The following TLK1 variants were observed in gnomAD, a reference collection of about 807,000 sequenced individuals.
TLK1 encodes tousled like kinase 1, also known as serine/threonine-protein kinase tousled-like 1.
A neutral mutation model predicts 105.3 loss-of-function variants in TLK1; 24 were observed. The ratio of observed to expected loss-of-function variants is 0.23; its 90% CI spans 0.17 to 0.32. TLK1 has a LOEUF of 0.32. Among genes scored for constraint, TLK1 ranks in the 10% least tolerant of loss-of-function variants. The pLI, the probability that TLK1 is intolerant of heterozygous loss-of-function variation, is 1.00. For synonymous variants in TLK1, 321 were observed against 310.4 expected, an observed-to-expected ratio of 1.03 and a Z score of -0.36; for missense variants, 558 against 910.5, an observed-to-expected ratio of 0.61 and a Z score of 4.98.
chr2:171,137,264 AGAGT>A (rs578200965), intron 1 of TLK1, among the ~76,000 whole-genome samples: 4 of 152,130 alleles, frequency 2.6e-5, no homozygotes. Flanking sequence ...GCTGGGTGAC[AGAGT>A]GAGACCCTGT....
intron 1 of TLK1, among the ~76,000 whole-genome samples, chr2:171,173,554 A>ATT (rs954705117): frequency 1.3e-5 from 2 of 150,994 alleles, no homozygotes; most frequent in East Asian, 3.9e-4. Context: ...TGCCCAGCTA[A>ATT]TTTTTTTTTC....
At chr2:171,080,196 C>CAAA in intron 3 of TLK1, among the ~76,000 whole-genome samples, 1 of 59,974 alleles carries the variant, frequency 1.7e-5, no homozygotes, top group African/African-American at 5.8e-5. Flanking sequence ...GACTCCATCT[C>CAAA]AAAAAAAAAA....
intron 11 of TLK1, among the ~76,000 whole-genome samples, chr2:171,030,461 T>C (rs1685985836): frequency 2.0e-5 from 3 of 152,146 alleles, no homozygotes; most frequent in Admixed American, 2.0e-4. Context: ...GGAGTGTGAA[T>C]GTAGATGAAG....
intron 11 of TLK1, among the ~76,000 whole-genome samples, chr2:171,036,197 C>A (rs1575537395): frequency 6.6e-6 from 1 of 152,194 alleles, no homozygotes; most frequent in East Asian, 1.9e-4. Context: ...GCAATCCCAG[C>A]ACTTTGGGAG....
chr2:171,028,445 ATACT>A (rs560670650), intron 11 of TLK1, 40 bp from the exon 12 acceptor site: 21 of 1,329,124 alleles, frequency 1.6e-5, no homozygotes, highest in South Asian at 6.1e-5. Context: ...ATTGAGATTA[ATACT>A]TAGTTTATTA....
rs71401403 is a variant in TLK1, at chr2:171,101,346, C to CAAAAAAAAAAAAAAAAAAAAAAA, written c.258+16392_258+16393insTTTTTTTTTTTTTTTTTTTTTTT. On this transcript the variant is annotated intron_variant, in intron 2 of 20. Transcript: ENST00000431350. ...GGACAACAAGAGTGAAACTCCGTCT[C>CAAAAAAAAAAAAAAAAAAAAAAA]AAAAAAAAAAAAAAAAAAAGCCAGG... 1.3e-4 allele frequency among the ~76,000 whole-genome samples: 8 copies of CAAAAAAAAAAAAAAAAAAAAAAA among 63,492 alleles called. 1 individual carries two copies. The highest frequency in any genetic ancestry group is 4.3e-4 in the African/African-American group (6 of 13,842). 41.7% of individuals were successfully genotyped at this position (63,492 alleles called of 152,430 possible). A position where few individuals can be genotyped will look rare whatever the true frequency, so the allele number is the denominator to read the frequency against.
intron 5 of TLK1, among the ~76,000 whole-genome samples, chr2:171,057,820 T>C (rs1177849241): frequency 1.3e-5 from 2 of 152,102 alleles, no homozygotes; most frequent in African/African-American, 4.8e-5. Context: ...TGCCACGGTC[T>C]GACTGCAAAA....
At chr2:171,126,194 A>T (rs958165424) in intron 1 of TLK1, among the ~76,000 whole-genome samples, 1 of 152,244 alleles carries the variant, frequency 6.6e-6, no homozygotes, top group Admixed American at 6.5e-5. Flanking sequence ...AATCCAAAAC[A>T]TCACATAAAA....
intron 1 of TLK1, among the ~76,000 whole-genome samples, chr2:171,119,568 T>C (rs2105533820): frequency 6.6e-6 from 1 of 152,302 alleles, no homozygotes; most frequent in Non-Finnish European, 1.5e-5. Context: ...CAGGACTATT[T>C]TGAAAACATT....
upstream of TLK1, among the ~76,000 whole-genome samples, chr2:171,163,216 C>T (rs1302403571): frequency 6.6e-6 from 1 of 152,130 alleles, no homozygotes; most frequent in East Asian, 1.9e-4. Context: ...CTTGTTTATC[C>T]ATTAAACTAT....
In TLK1 at chr2:171,056,458, A is replaced by C. The variant is rs1209643924; in HGVS notation, c.549+13T>G. 1 of 1,609,550 alleles carries C rather than the reference A, an allele frequency of 6.2e-7. No individual in the cohort carries two copies. The highest frequency in any genetic ancestry group is 1.7e-5 in the Admixed American group (1 of 59,984). ...CCAAAGACTACACATGAAAAACTTG[A>C]AAGATGACTTACAGATGAGGAAGGA... On this transcript the variant is annotated intron_variant, in intron 6 of 20. Coordinates refer to ENST00000431350, the MANE Select transcript of TLK1 (RefSeq NM_012290.5).
In TLK1 at chr2:171,180,978, A is replaced by G. The variant is rs1692920026; in HGVS notation, c.-6+50167T>C. ...TTAACTCTGATAATAATGGTTGAGG[A>G]GTTAAAGTTAGAACAGATTCATTCT... On this transcript the variant is annotated intron_variant, in intron 1 of 20. Transcript: ENST00000521943. Among the ~76,000 whole-genome samples, 3 of 152,208 alleles carry G rather than the reference A, an allele frequency of 2.0e-5. No individual in the cohort carries two copies. The South Asian group carries it at 6.2e-4, about 31-fold the overall frequency.
chr2:171,146,741 G>A (rs12692962), intron 1 of TLK1, among the ~76,000 whole-genome samples: 3 of 151,978 alleles, frequency 2.0e-5, no homozygotes, highest in Non-Finnish European at 4.4e-5. Context: ...CCCTTCTGTA[G>A]GGAGTACTTT....
Position 171,176,254 on chromosome 2 carries a change from T to G in TLK1, c.-6+54891A>C, listed in dbSNP as rs746458265. Among the ~76,000 whole-genome samples the G allele has an allele frequency of 3.7e-4, 57 of 152,082 alleles. 1 individual carries two copies. Among genetic ancestry groups the G allele is most frequent in the Non-Finnish European group, 7.4e-5 (5 of 68,020 alleles). ...TGTGCCCGGCCGGGATATCAAGGGTTTTAAAGCAGTCCAGGTGATTCTAAT... is the reference window on the plus strand; with the variant it reads ...TGTGCCCGGCCGGGATATCAAGGGTGTTAAAGCAGTCCAGGTGATTCTAAT... On this transcript the variant is annotated intron_variant, in intron 1 of 20. Transcript: ENST00000521943.
intron 1 of TLK1, among the ~76,000 whole-genome samples, chr2:171,123,831 A>C (rs1187327336): frequency 1.3e-5 from 2 of 152,200 alleles, no homozygotes; most frequent in East Asian, 1.9e-4. Flanking sequence ...AACAAACAAA[A>C]AAACACTGAT....
rs192651101 is a variant in TLK1, at chr2:171,037,396, G to A, written c.1169+8778C>T. 2.5e-3 allele frequency among the ~76,000 whole-genome samples: 368 copies of A among 149,644 alleles called. 1 individual carries two copies. The highest frequency in any genetic ancestry group is 4.3e-3 in the Non-Finnish European group (292 of 67,634). On this transcript the variant is annotated intron_variant, in intron 11 of 20. Transcript: ENST00000431350. ...GCGGAGGTTACAGTGAGCCAAGGTC[G>A]TGCCATTGTACTCCAGCCTGGGCAA...
chr2:171,123,060 AC>A (rs1280709363), intron 1 of TLK1, among the ~76,000 whole-genome samples: 5 of 144,030 alleles, frequency 3.5e-5, no homozygotes, highest in Non-Finnish European at 6.0e-5. Flanking sequence ...AAATAAATAC[AC>A]ACACACACAC....
At chr2:171,073,872 T>TC (rs147208196) in intron 3 of TLK1, among the ~76,000 whole-genome samples, 20,340 of 68,618 alleles carry the variant, frequency 0.3, 2,399 homozygotes, top group Non-Finnish European at 0.45. Flanking sequence ...AACTTAACAT[T>TC]CCCCCCCCCC....
At chr2:171,208,175 T>C (rs1326387186) in intron 1 of TLK1, among the ~76,000 whole-genome samples, 1 of 152,158 alleles carries the variant, frequency 6.6e-6, no homozygotes, top group Non-Finnish European at 1.5e-5. Flanking sequence ...CCTGGGAAAG[T>C]ATAGAAATTA....
Sources: allele counts gnomAD v4.1 joint callset (sites outside exome capture counted in the v4.1 genomes callset), GRCh38; gene constraint gnomAD v4.1.1; transcripts MANE v1.5; gene names NCBI Gene and HGNC (gene_info 2026-07-23, HGNC 2026-07-21).